The following LIN52 variants were observed in gnomAD, a reference collection of about 807,000 sequenced individuals.
LIN52 encodes lin-52 DREAM MuvB core complex component, also known as protein lin-52 homolog.
Under a neutral mutation model 18.5 loss-of-function variants are expected in LIN52, and 4 were observed. The observed-to-expected ratio is 0.22, with a 90% CI of 0.11 to 0.49. The LOEUF (loss-of-function observed/expected upper bound fraction) is 0.49, where lower values mean the gene tolerates loss of function less well. Ranked by LOEUF, LIN52 falls within the 20% of genes least tolerant of loss-of-function variation. The pLI, the probability that LIN52 is intolerant of heterozygous loss-of-function variation, is 0.97. For synonymous variants in LIN52, 34 were observed against 45.5 expected (o/e 0.75, Z 1.02); for missense variants, 102 against 139.5 (o/e 0.73, Z 1.35).
chr14:74,115,105 A>G (rs1403893405), intron 5 of LIN52, among the ~76,000 whole-genome samples: 1 of 152,232 alleles, frequency 6.6e-6, no homozygotes, highest in African/African-American at 2.4e-5. Flanking sequence ...TCATGTTTTA[A>G]ATAAGCGACA....
chr14:74,146,311 A>C (rs996727121), intron 5 of LIN52, among the ~76,000 whole-genome samples: 7 of 152,184 alleles, frequency 4.6e-5, no homozygotes, highest in Non-Finnish European at 7.3e-5. Flanking sequence ...GCCAACCATA[A>C]GAAAAATATG....
chr14:74,195,924 G>A (rs1393857037), intron 5 of LIN52, among the ~76,000 whole-genome samples: 4 of 152,214 alleles, frequency 2.6e-5, no homozygotes, highest in Admixed American at 1.3e-4. Context: ...AGGAGGGCAC[G>A]TGCTCTGGAG....
intron 5 of LIN52, among the ~76,000 whole-genome samples, chr14:74,141,888 C>T (rs1323821085): frequency 2.0e-5 from 3 of 152,084 alleles, no homozygotes; most frequent in Non-Finnish European, 2.9e-5. Flanking sequence ...AAGTTTTGAA[C>T]GCATTAATGG....
chr14:74,111,491 G>A (rs958181781), intron 5 of LIN52, among the ~76,000 whole-genome samples: 1 of 150,610 alleles, frequency 6.6e-6, no homozygotes, highest in Non-Finnish European at 1.5e-5. Context: ...TTGTAGAGAT[G>A]GGGTCTCCCT....
chr14:74,200,371 C>G lies in LIN52; in HGVS notation c.*1394C>G, dbSNP rs1333976022. The G allele has an allele frequency of 7.4e-6, 1 of 135,870 alleles. No individual in the cohort carries two copies. Among genetic ancestry groups the G allele is most frequent in the Non-Finnish European group, 1.5e-5 (1 of 65,460 alleles). 8.4% of individuals were successfully genotyped at this position (135,870 alleles called of 1,614,324 possible). A position where few individuals can be genotyped will look rare whatever the true frequency, so the allele number is the denominator to read the frequency against. ...GAGGTTGCAGTGAGCCGAAATTATG[C>G]CACTGCACTCCAGCCTGGGCAACAG... On this transcript the variant is annotated 3_prime_UTR_variant, in exon 6 of 6. Coordinates refer to ENST00000555028, the MANE Select transcript of LIN52 (RefSeq NM_001024674.3).
intron 5 of LIN52, among the ~76,000 whole-genome samples, chr14:74,129,665 CAACAT>C (rs1473557161): frequency 6.6e-6 from 1 of 152,142 alleles, no homozygotes; most frequent in Admixed American, 6.5e-5. Context: ...TTAACCCAAA[CAACAT>C]AGTGAGAACC....
chr14:74,182,780 T>C (rs2061323871), intron 5 of LIN52, among the ~76,000 whole-genome samples: 4 of 152,220 alleles, frequency 2.6e-5, no homozygotes, highest in Admixed American at 2.6e-4. Flanking sequence ...AACCAAGGAC[T>C]CTTTCTCTCC....
chr14:74,188,720 C>T (rs2061350670), intron 5 of LIN52, among the ~76,000 whole-genome samples: 1 of 151,986 alleles, frequency 6.6e-6, no homozygotes, highest in Non-Finnish European at 1.5e-5. Flanking sequence ...AAGCGTTATT[C>T]GAATAGACAG....
intron 5 of LIN52, among the ~76,000 whole-genome samples, chr14:74,106,485 T>G (rs1206140058): frequency 6.6e-6 from 1 of 152,144 alleles, no homozygotes; most frequent in African/African-American, 2.4e-5. Flanking sequence ...TTGCCCAGAC[T>G]GGTCTTGAAC....
At position 74,157,044 on chromosome 14, in the gene LIN52, T is replaced by TTC. The variant is rs568364305; in HGVS notation, c.284-41877_284-41876insCT. Among the ~76,000 whole-genome samples, 551 of 151,056 alleles carry TTC rather than the reference T, an allele frequency of 3.6e-3. 4 individuals carry two copies. Among genetic ancestry groups the TTC allele is most frequent in the African/African-American group, 0.013 (519 of 41,250 alleles). Reference sequence around the variant, plus strand: ...ACCATATTTTCTTTTTCTTTTTTTTTTTTTTGAGACAGAATTTCACTCTTG... The same window carrying TTC: ...ACCATATTTTCTTTTTCTTTTTTTTTTCTTTTTGAGACAGAATTTCACTCTTG... On this transcript the variant is annotated intron_variant, in intron 5 of 5. Transcript: ENST00000555028.
intron 5 of LIN52, among the ~76,000 whole-genome samples, chr14:74,103,232 T>A (rs1191657799): frequency 2.6e-5 from 4 of 151,728 alleles, no homozygotes; most frequent in Non-Finnish European, 5.9e-5. Flanking sequence ...GCATGCACCA[T>A]GATGTCTGAC....
intron 5 of LIN52, among the ~76,000 whole-genome samples, chr14:74,126,450 C>T (rs1449803863): frequency 6.6e-6 from 1 of 152,158 alleles, no homozygotes; most frequent in Non-Finnish European, 1.5e-5. Context: ...CACATCAGTA[C>T]TATTCACAAG....
At chr14:74,085,777 C>A (rs1302593924) in intron 1 of LIN52, among the ~76,000 whole-genome samples, 1 of 152,144 alleles carries the variant, frequency 6.6e-6, no homozygotes, top group Non-Finnish European at 1.5e-5. Context: ...GTCTTGCAGT[C>A]ATTTTTAAAC....
intron 5 of LIN52, among the ~76,000 whole-genome samples, chr14:74,175,577 G>A (rs10150599): frequency 0.78 from 117,679 of 151,718 alleles, 45,953 homozygotes; most frequent in Admixed American, 0.81. Flanking sequence ...TGTGCCTGAG[G>A]TCCCAGCTAT....
intron 5 of LIN52, among the ~76,000 whole-genome samples, chr14:74,166,918 G>A (rs539952064): frequency 6.6e-6 from 1 of 152,148 alleles, no homozygotes; most frequent in South Asian, 2.1e-4. Context: ...ACTGGGTCTG[G>A]GTGTTCTCTC....
chr14:74,111,789 G>C (rs2060930468), intron 5 of LIN52, among the ~76,000 whole-genome samples: 1 of 151,910 alleles, frequency 6.6e-6, no homozygotes, highest in Non-Finnish European at 1.5e-5. Flanking sequence ...GGCAGCATGA[G>C]TCTTTCTGTA....
At chr14:74,087,974 A>C (rs72725943) in intron 1 of LIN52, among the ~76,000 whole-genome samples, 16,982 of 152,180 alleles carry the variant, frequency 0.11, 1,250 homozygotes, top group Admixed American at 0.19. Context: ...GCTGAAATGC[A>C]GTGATATGAT....
intron 1 of LIN52, 109 bp downstream of exon 1, chr14:74,085,102 C>T: frequency 9.5e-7 from 1 of 1,048,654 alleles, no homozygotes; most frequent in Non-Finnish European, 1.3e-6. Context: ...GGGCTCTTCT[C>T]CTTTCCCTTT....
intron 5 of LIN52, among the ~76,000 whole-genome samples, chr14:74,122,203 T>C (rs1304405116): frequency 6.6e-6 from 1 of 152,190 alleles, no homozygotes; most frequent in East Asian, 1.9e-4. Flanking sequence ...GATATTTTAT[T>C]ATGGATTGAA....
Sources: allele counts gnomAD v4.1 joint callset (sites outside exome capture counted in the v4.1 genomes callset), GRCh38; gene constraint gnomAD v4.1.1; transcripts MANE v1.5; gene names NCBI Gene and HGNC (gene_info 2026-07-23, HGNC 2026-07-21).